OLFM3: variants seen among roughly 807,000 people sequenced by gnomAD.
OLFM3 encodes the protein olfactomedin 3.
Under a neutral mutation model 48.6 loss-of-function variants are expected in OLFM3, and 20 were observed. That is an observed-to-expected ratio of 0.41 (90% CI 0.29 to 0.60). OLFM3 has a LOEUF of 0.60. OLFM3 is among the 20% of genes least tolerant of loss of function. The pLI is 0.28. For synonymous variants in OLFM3, 222 were observed against 198.1 expected (o/e 1.12, Z -1.01); for missense variants, 437 against 544.3 (o/e 0.80, Z 1.96).
chr1:101,928,870 G>A (rs1259214264), intron 1 of OLFM3, among the ~76,000 whole-genome samples: 2 of 152,118 alleles, frequency 1.3e-5, no homozygotes, highest in Admixed American at 1.3e-4. Context: ...AAAATGACTT[G>A]CCTGAGACTC....
chr1:101,867,287 C>T (rs1656893749), intron 1 of OLFM3, among the ~76,000 whole-genome samples: 1 of 152,188 alleles, frequency 6.6e-6, no homozygotes, highest in Non-Finnish European at 1.5e-5. Flanking sequence ...TTGTGATCTT[C>T]TAAGACTGAA....
At chr1:101,915,410 A>C (rs1658892031) in intron 1 of OLFM3, among the ~76,000 whole-genome samples, 1 of 152,052 alleles carries the variant, frequency 6.6e-6, no homozygotes. Flanking sequence ...CCAATAAATA[A>C]AGTTGCATTA....
At chr1:101,980,087 G>A (rs1661066782) in intron 1 of OLFM3, among the ~76,000 whole-genome samples, 2 of 152,150 alleles carry the variant, frequency 1.3e-5, no homozygotes, top group African/African-American at 4.8e-5. Context: ...TGGAATGGGA[G>A]AATTTATCCA....
intron 1 of OLFM3, among the ~76,000 whole-genome samples, chr1:101,897,725 A>C (rs1221823178): frequency 6.6e-6 from 1 of 152,196 alleles, no homozygotes; most frequent in Non-Finnish European, 1.5e-5. Context: ...GTTCTACATT[A>C]AAATATGAAA....
In OLFM3 at chr1:101,804,998, C is replaced by T. The variant is rs12093850; in HGVS notation, c.700-83G>A. 1,416 of 1,059,346 alleles carry T rather than the reference C, an allele frequency of 1.3e-3. 18 individuals are homozygous for T. In the African/African-American group the frequency reaches 0.02, roughly 15 times the overall value. 65.6% of individuals were successfully genotyped at this position (1,059,346 alleles called of 1,614,324 possible). A position where few individuals can be genotyped will look rare whatever the true frequency, so the allele number is the denominator to read the frequency against. ...CCAAAAGAAAGACAGTGAGAGTCAA[C>T]ACTTATTATAATTCTCAGGCTCTGG... is the stretch of plus-strand genomic sequence containing the variant. On this transcript the variant is annotated intron_variant, in intron 5 of 5. Transcript: ENST00000370103. The surrounding 1 kb of genome is among the most constrained non-coding windows in gnomAD (Gnocchi z 4.5).
chr1:101,829,285 T>C (rs1257469098), intron 3 of OLFM3, among the ~76,000 whole-genome samples: 1 of 152,214 alleles, frequency 6.6e-6, no homozygotes, highest in East Asian at 1.9e-4. Context: ...AATCTTTAAA[T>C]TTAAGTATAT....
At chr1:101,943,282 C>T (rs1220240935) in intron 1 of OLFM3, among the ~76,000 whole-genome samples, 1 of 152,178 alleles carries the variant, frequency 6.6e-6, no homozygotes. Context: ...GAAATGCCAC[C>T]TGTGGACAGC....
At chr1:101,877,210 G>A (rs912467953) in intron 1 of OLFM3, among the ~76,000 whole-genome samples, 6 of 151,858 alleles carry the variant, frequency 4.0e-5, no homozygotes, top group African/African-American at 7.2e-5. Context: ...GTCTGGATTC[G>A]CAAGTTGAAA....
intron 1 of OLFM3, among the ~76,000 whole-genome samples, chr1:101,933,755 C>G (rs1290863871): frequency 1.3e-5 from 2 of 152,036 alleles, no homozygotes; most frequent in South Asian, 2.1e-4. Flanking sequence ...ATCAGGCTAA[C>G]AGTGGAACTT....
chr1:101,958,725 T>C (rs367867877), intron 1 of OLFM3, among the ~76,000 whole-genome samples: 6 of 151,846 alleles, frequency 4.0e-5, no homozygotes, highest in East Asian at 3.9e-4. Flanking sequence ...GATTTTTTTT[T>C]CCTCTCAAAT....
chr1:101,894,890 T>G (rs1207232242), intron 1 of OLFM3, among the ~76,000 whole-genome samples: 2 of 152,166 alleles, frequency 1.3e-5, no homozygotes, highest in Admixed American at 1.3e-4. Flanking sequence ...TTTCCCTACA[T>G]GGAGCTTAAA....
At chr1:101,978,453 C>T (rs932418793) in intron 1 of OLFM3, among the ~76,000 whole-genome samples, 7 of 152,136 alleles carry the variant, frequency 4.6e-5, no homozygotes, top group Middle Eastern at 3.4e-3. Context: ...AAAGTCTTCT[C>T]ATTCAGTTTT....
intron 1 of OLFM3, among the ~76,000 whole-genome samples, chr1:101,880,404 C>A (rs1410392598): frequency 6.6e-6 from 1 of 151,804 alleles, no homozygotes; most frequent in Non-Finnish European, 1.5e-5. Context: ...CATAGGAAAG[C>A]TGACTGCTGC....
chr1:101,992,951 T>C (rs529846107), intron 1 of OLFM3, among the ~76,000 whole-genome samples: 2 of 152,144 alleles, frequency 1.3e-5, no homozygotes, highest in African/African-American at 2.4e-5. Flanking sequence ...ATGTCTGTAG[T>C]GTGAGAAAGT....
intron 1 of OLFM3, among the ~76,000 whole-genome samples, chr1:101,939,661 C>T (rs79324680): frequency 0.015 from 2,355 of 152,208 alleles, 24 homozygotes; most frequent in African/African-American, 0.021. Context: ...ATGTGTGTGG[C>T]TTCAGAAGGG....
chr1:101,946,574 T>C (rs982760138), intron 1 of OLFM3, among the ~76,000 whole-genome samples: 3 of 152,214 alleles, frequency 2.0e-5, no homozygotes, highest in Non-Finnish European at 2.9e-5. Flanking sequence ...TAAGTGGCAA[T>C]CTTTTACTCA....
intron 1 of OLFM3, among the ~76,000 whole-genome samples, chr1:101,932,794 G>T (rs1192688718): frequency 6.6e-6 from 1 of 152,112 alleles, no homozygotes; most frequent in African/African-American, 2.4e-5. Context: ...ACCAGCAATG[G>T]TTCTTAATAT....
intron 1 of OLFM3, among the ~76,000 whole-genome samples, chr1:101,927,473 A>G (rs958940755): frequency 6.6e-6 from 1 of 151,984 alleles, no homozygotes; most frequent in Non-Finnish European, 1.5e-5. Flanking sequence ...AAGAATAATG[A>G]TTATCTGGTA....
At chr1:101,964,684 G>A (rs1305550439) in intron 1 of OLFM3, among the ~76,000 whole-genome samples, 1 of 152,122 alleles carries the variant, frequency 6.6e-6, no homozygotes, top group African/African-American at 2.4e-5. Context: ...AAAGGGACCT[G>A]GGAATTTTGT....
Sources: allele counts gnomAD v4.1 joint callset (sites outside exome capture counted in the v4.1 genomes callset), GRCh38; gene constraint gnomAD v4.1.1; non-coding constraint Gnocchi (gnomAD v3.1); transcripts MANE v1.5; gene names NCBI Gene and HGNC (gene_info 2026-07-23, HGNC 2026-07-21).